Variants in SH2D6 observed in about 807,000 individuals in gnomAD.
SH2D6 encodes SH2 domain containing 6.
Under a neutral mutation model 30.2 loss-of-function variants are expected in SH2D6, and 31 were observed. The ratio of observed to expected loss-of-function variants is 1.03; its 90% confidence interval spans 0.77 to 1.38. The LOEUF is 1.38. SH2D6 is among the 40% of genes most tolerant of loss of function. The pLI, the probability that SH2D6 is intolerant of heterozygous loss-of-function variation, is 0.00. For missense variants in SH2D6, 240 were observed against 266.8 expected, an observed-to-expected ratio of 0.90 and a Z score of 0.70; for synonymous variants, 93 against 104.6, an observed-to-expected ratio of 0.89 and a Z score of 0.68.
At chr2:85,429,213 C>A (rs1475798067) in intron 7 of SH2D6, among the ~76,000 whole-genome samples, 159 bp from the exon 8 acceptor site, 4 of 152,198 alleles carry the variant, frequency 2.6e-5, no homozygotes, top group Non-Finnish European at 5.9e-5. Context: ...CCTGGTCCAG[C>A]TTGGCTCTTC....
intron 14 of SH2D6, among the ~76,000 whole-genome samples, chr2:85,432,580 T>C (rs868003227): frequency 9.9e-5 from 15 of 152,076 alleles, no homozygotes; most frequent in Middle Eastern, 3.4e-3. Context: ...TTTTGTATTT[T>C]TAGTAGAGAC....
At chr2:85,433,161 C>T in intron 15 of SH2D6, 40 bp downstream of exon 15, 1 of 983,530 alleles carries the variant, frequency 1.0e-6, no homozygotes, top group African/African-American at 1.7e-5. Context: ...TTCCAGGCTT[C>T]TGGTTAAGAA....
At chr2:85,434,832 T>C in intron 19 of SH2D6, 1 of 1,481,916 alleles carries the variant, frequency 6.7e-7, no homozygotes, top group Non-Finnish European at 9.0e-7. Flanking sequence ...AGGAAGCTCC[T>C]AGTCTGTGCC....
chr2:85,436,717 G>C, intron 23 of SH2D6, 120 bp from the exon 24 acceptor site: 1 of 749,330 alleles, frequency 1.3e-6, no homozygotes, highest in Non-Finnish European at 2.3e-6. Context: ...GCATTAATGG[G>C]GAAAGCCTGC....
At chr2:85,435,035 C>G in intron 19 of SH2D6, 30 bp from the exon 20 acceptor site, 3 of 1,565,244 alleles carry the variant, frequency 1.9e-6, no homozygotes, top group Admixed American at 3.7e-5. Context: ...CACCCCACCC[C>G]ACCCCAGCTC....
intron 15 of SH2D6, 64 bp from the exon 16 acceptor site, chr2:85,433,507 C>T: frequency 1.1e-6 from 1 of 897,432 alleles, no homozygotes; most frequent in Non-Finnish European, 1.3e-6. Flanking sequence ...CCCAAAACCC[C>T]AGTCCTAAAT....
chr2:85,434,631 A>AAAAC, intron 19 of SH2D6, 134 bp downstream of exon 19: 1 of 1,368,822 alleles, frequency 7.3e-7, no homozygotes, highest in African/African-American at 1.5e-5. Flanking sequence ...AAAAAAAAAA[A>AAAAC]AAAACTAGGT....
intron 5 of SH2D6, among the ~76,000 whole-genome samples, chr2:85,423,843 T>C (rs561664265): frequency 1.2e-4 from 18 of 152,352 alleles, no homozygotes; most frequent in African/African-American, 4.1e-4. Context: ...TACTGCAAAC[T>C]GCTGTCCCCC....
At chr2:85,434,221 C>T (rs1689114427) in intron 17 of SH2D6, 110 bp downstream of exon 17, 2 of 1,517,086 alleles carry the variant, frequency 1.3e-6, no homozygotes, top group East Asian at 2.5e-5. Flanking sequence ...AATCTCCTTG[C>T]ACTGTCCCAT....
intron 14 of SH2D6, among the ~76,000 whole-genome samples, chr2:85,432,730 T>G (rs1360237245): frequency 6.6e-6 from 1 of 152,156 alleles, no homozygotes; most frequent in East Asian, 1.9e-4. Flanking sequence ...GAGACAAGAT[T>G]TCACCATGTT....
intron 14 of SH2D6, 92 bp from the exon 15 acceptor site, chr2:85,433,007 T>C: frequency 1.0e-6 from 1 of 973,420 alleles, no homozygotes; most frequent in Non-Finnish European, 1.2e-6. Flanking sequence ...GGAGGCACCC[T>C]AAGGAGACTC....
At chr2:85,434,753 G>C in intron 19 of SH2D6, 1 of 1,449,066 alleles carries the variant, frequency 6.9e-7, no homozygotes, top group Non-Finnish European at 9.1e-7. Context: ...TGTCCCTGAA[G>C]CTCTGACTCC....
At chr2:85,433,484 C>A in intron 15 of SH2D6, 87 bp from the exon 16 acceptor site, 1 of 673,644 alleles carries the variant, frequency 1.5e-6, no homozygotes, top group Non-Finnish European at 1.8e-6. Flanking sequence ...CCCTTCAAAT[C>A]GATGGCTCCT....
At chr2:85,434,552 C>G (rs1167826939) in intron 19 of SH2D6, 55 bp downstream of exon 19, 3 of 1,539,316 alleles carry the variant, frequency 1.9e-6, no homozygotes, top group African/African-American at 1.4e-5. Flanking sequence ...TGTTCACAGT[C>G]AGTTACAGAT....
chr2:85,427,170 A>T lies in SH2D6; in HGVS notation c.-208-1414A>T, dbSNP rs552391892. 2.0e-5 allele frequency among the ~76,000 whole-genome samples: 3 copies of T among 152,322 alleles called. No homozygotes were observed. The South Asian group carries it at 6.2e-4, about 32-fold the overall frequency. ...CCATGGCCTGTTCTCAGTAGCTGAGACCTGAGAAATTTGGAGAATCACTTT... is the reference window on the plus strand; with the variant it reads ...CCATGGCCTGTTCTCAGTAGCTGAGTCCTGAGAAATTTGGAGAATCACTTT... On this transcript the variant is annotated intron_variant, in intron 6 of 23. Coordinates refer to ENST00000469800, the MANE Select transcript of SH2D6 (RefSeq NM_001394463.1).
intron 19 of SH2D6, 120 bp downstream of exon 19, chr2:85,434,617 TAAAAA>T (rs532727235): frequency 1.0e-6 from 1 of 996,748 alleles, no homozygotes; most frequent in Non-Finnish European, 1.4e-6. Flanking sequence ...TGACTAGACT[TAAAAA>T]AAAAAAAAAA....
In SH2D6 at chr2:85,435,283, T is replaced by G. The variant is rs558233634; in HGVS notation, c.649-130T>G. 11 of 1,272,280 alleles carry G rather than the reference T, an allele frequency of 8.6e-6. No individual in the cohort carries two copies. The African/African-American group carries it at 1.5e-4, about 17-fold the overall frequency. The allele number at this position is 1,272,280 out of a possible 1,614,324, so 78.8% of individuals were successfully genotyped here. ...CCGTGCCCCAGACAGGGACACCACT[T>G]TGTTCTGCCTGAGGGGGACTCAGTT... On this transcript the variant is annotated intron_variant, in intron 20 of 23. Transcript: ENST00000469800.
Position 85,435,052 on chromosome 2 carries a change from C to G in SH2D6, c.590-13C>G. On this transcript the variant is annotated splice_polypyrimidine_tract_variant and intron_variant, in intron 19 of 23. Coordinates refer to ENST00000469800, the MANE Select transcript of SH2D6 (RefSeq NM_001394463.1). ...CCCCACCCCACCCCAGCTCAATAAT[C>G]TGCTTCTTCTAGAAGGAAGGAAATC... The G allele has an allele frequency of 1.1e-6, 1 of 920,564 alleles. No individual in the cohort carries two copies. The highest frequency in any genetic ancestry group is 1.6e-6 in the Non-Finnish European group (1 of 641,116). 57.0% of individuals were successfully genotyped at this position (920,564 alleles called of 1,614,324 possible). A position where few individuals can be genotyped will look rare whatever the true frequency, so the allele number is the denominator to read the frequency against.
chr2:85,429,405 TCC>T lies in SH2D6; in HGVS notation c.-58_-57del, dbSNP rs1251356315. 6.6e-6 allele frequency: 1 copy of T among 152,274 alleles called. No homozygotes were observed. Among genetic ancestry groups the T allele is most frequent in the Non-Finnish European group, 1.5e-5 (1 of 68,048 alleles). The allele number at this position is 152,274 out of a possible 1,614,324, so 9.4% of individuals were successfully genotyped here. On this transcript the variant is annotated 5_prime_UTR_variant, in exon 8 of 24. Transcript: ENST00000469800. Reference sequence around the variant, plus strand: ...AATGATGGGAACAATGGAGCCCTTGTCCCCAGGCCATTTGTGGCAGATCCTGG... The same window carrying T: ...AATGATGGGAACAATGGAGCCCTTGTCCAGGCCATTTGTGGCAGATCCTGG...
Sources: gnomAD v4.1 joint callset for allele counts (sites outside exome capture counted in the v4.1 genomes callset) on GRCh38, gnomAD v4.1.1 for gene constraint, MANE v1.5 for transcripts, NCBI Gene and HGNC (gene_info 2026-07-23, HGNC 2026-07-21) for gene names.